Variants in DLG2 observed in about 807,000 individuals in gnomAD.
DLG2 encodes disks large homolog 2.
Under a neutral mutation model 132.5 loss-of-function variants are expected in DLG2, and 45 were observed. The observed-to-expected ratio is 0.34, with a 90% CI of 0.27 to 0.44. The LOEUF (loss-of-function observed/expected upper bound fraction) is 0.44, where lower values mean the gene tolerates loss of function less well. Ranked by LOEUF, DLG2 falls within the 20% of genes least tolerant of loss-of-function variation. The pLI, the probability that DLG2 is intolerant of heterozygous loss-of-function variation, is 1.00. For missense variants in DLG2, 1,045 were observed against 1,196.9 expected, an observed-to-expected ratio of 0.87 and a Z score of 1.87; for synonymous variants, 424 against 419.6, an observed-to-expected ratio of 1.01 and a Z score of -0.13.
chr11:85,611,682 T>A (rs1210396445), intron 2 of DLG2, among the ~76,000 whole-genome samples: 1 of 152,238 alleles, frequency 6.6e-6, no homozygotes, highest in Non-Finnish European at 1.5e-5. Flanking sequence ...AATAAATGTG[T>A]ATACAGATAG....
intron 15 of DLG2, 94 bp downstream of exon 15, chr11:83,930,234 T>C (rs2079887759): frequency 7.1e-7 from 1 of 1,400,026 alleles, no homozygotes; most frequent in Non-Finnish European, 9.9e-7. Flanking sequence ...AGATGTTTAG[T>C]GCAAGAGAAG....
chr11:84,151,401 T>C (rs192200915), intron 9 of DLG2, among the ~76,000 whole-genome samples: 1 of 152,268 alleles, frequency 6.6e-6, no homozygotes, highest in African/African-American at 2.4e-5. Flanking sequence ...TGTGATGTTA[T>C]CTTTGTCATT....
intron 7 of DLG2, among the ~76,000 whole-genome samples, chr11:84,321,668 C>T (rs2154397145): frequency 6.6e-6 from 1 of 152,258 alleles, no homozygotes; most frequent in African/African-American, 2.4e-5. Context: ...CATCAAGAGG[C>T]AACTCCCCCA....
intron 17 of DLG2, among the ~76,000 whole-genome samples, chr11:83,813,258 A>G (rs976733382): frequency 6.6e-6 from 1 of 152,182 alleles, no homozygotes; most frequent in African/African-American, 2.4e-5. Context: ...CAAGGGAAAT[A>G]CTTTTGAATG....
At chr11:84,098,713 C>G (rs1009777076) in intron 10 of DLG2, among the ~76,000 whole-genome samples, 2 of 152,108 alleles carry the variant, frequency 1.3e-5, no homozygotes, top group Admixed American at 1.3e-4. Flanking sequence ...GCCCAATGTT[C>G]AATGTGGTAC....
chr11:84,627,042 C>T (rs577479441), intron 6 of DLG2, among the ~76,000 whole-genome samples: 13 of 151,730 alleles, frequency 8.6e-5, no homozygotes, highest in Middle Eastern at 3.4e-3. Context: ...CGCTAATTTT[C>T]GTATTTTTGG....
chr11:85,602,473 G>A (rs886722579), intron 2 of DLG2, among the ~76,000 whole-genome samples: 50 of 151,864 alleles, frequency 3.3e-4, no homozygotes, highest in Admixed American at 6.6e-4. Flanking sequence ...TCACCCAGAT[G>A]GGAATGTAGT....
chr11:85,529,330 G>A (rs772121973), intron 3 of DLG2, among the ~76,000 whole-genome samples: 1 of 152,132 alleles, frequency 6.6e-6, no homozygotes, highest in Non-Finnish European at 1.5e-5. Context: ...AAACTACTGA[G>A]ATTTCAGAAA....
intron 6 of DLG2, among the ~76,000 whole-genome samples, chr11:85,090,326 C>G (rs1412209335): frequency 6.6e-6 from 1 of 152,176 alleles, no homozygotes; most frequent in African/African-American, 2.4e-5. Flanking sequence ...CCTCTTTTCT[C>G]TGTCATCTTT....
intron 22 of DLG2, chr11:83,483,322 G>A: frequency 6.2e-7 from 1 of 1,604,304 alleles, no homozygotes; most frequent in Non-Finnish European, 8.5e-7. Context: ...CCCAGAGAGA[G>A]CAATGAGAGA....
chr11:84,942,783 T>G (rs532795024), intron 6 of DLG2, among the ~76,000 whole-genome samples: 1 of 152,148 alleles, frequency 6.6e-6, no homozygotes, highest in Admixed American at 6.6e-5. Context: ...CTTTATTTTC[T>G]GTCTGGATGA....
chr11:85,622,174 C>A (rs1009532090), intron 2 of DLG2, among the ~76,000 whole-genome samples: 1 of 152,140 alleles, frequency 6.6e-6, no homozygotes, highest in Admixed American at 6.5e-5. Flanking sequence ...AAAGTACGTA[C>A]ATTGTTTTTA....
intron 7 of DLG2, among the ~76,000 whole-genome samples, chr11:84,355,717 A>T (rs1157384115): frequency 6.6e-6 from 1 of 152,166 alleles, no homozygotes; most frequent in Non-Finnish European, 1.5e-5. Context: ...TTTTAAAAAA[A>T]GATCACAAAG....
chr11:84,183,449 T>C (rs2096195729), intron 8 of DLG2, among the ~76,000 whole-genome samples: 2 of 152,168 alleles, frequency 1.3e-5, no homozygotes, highest in African/African-American at 4.8e-5. Flanking sequence ...CATTTAGTTA[T>C]GCTATGAACC....
chr11:85,181,312 T>A (rs2079683797), intron 4 of DLG2, among the ~76,000 whole-genome samples: 1 of 151,708 alleles, frequency 6.6e-6, no homozygotes, highest in Non-Finnish European at 1.5e-5. Context: ...ACCTCAAGCA[T>A]TTATCCTTTG....
intron 6 of DLG2, among the ~76,000 whole-genome samples, chr11:85,062,620 A>G (rs2064287916): frequency 1.3e-5 from 2 of 151,716 alleles, no homozygotes; most frequent in Admixed American, 1.3e-4. Flanking sequence ...ACTTTTAAAT[A>G]ATGTTTGTTT....
At chr11:84,054,468 C>T (rs1027602572) in intron 11 of DLG2, among the ~76,000 whole-genome samples, 1 of 151,954 alleles carries the variant, frequency 6.6e-6, no homozygotes, top group Admixed American at 6.6e-5. Context: ...ATTGATTGCC[C>T]ACATGCAGAC....
chr11:84,266,866 T>C (rs2097645307), intron 7 of DLG2, among the ~76,000 whole-genome samples: 1 of 152,214 alleles, frequency 6.6e-6, no homozygotes, highest in Non-Finnish European at 1.5e-5. Context: ...CACCATTCCA[T>C]CTATGCAGAT....
chr11:84,196,045 A>T (rs1259719255), intron 8 of DLG2, among the ~76,000 whole-genome samples: 1 of 152,236 alleles, frequency 6.6e-6, no homozygotes, highest in Admixed American at 6.5e-5. Context: ...TTGTATGTAG[A>T]TCATTATTAA....
Sources: gnomAD v4.1 joint callset for allele counts (sites outside exome capture counted in the v4.1 genomes callset) on GRCh38, gnomAD v4.1.1 for gene constraint, MANE v1.5 for transcripts, NCBI Gene and HGNC (gene_info 2026-07-23, HGNC 2026-07-21) for gene names.